The following SAMD5 variants were observed in gnomAD, a reference collection of about 807,000 sequenced individuals.
SAMD5 encodes the protein sterile alpha motif domain containing 5, also known as sterile alpha motif domain-containing protein 5.
A neutral mutation model predicts 11.3 loss-of-function variants in SAMD5; 13 were observed. That is an observed-to-expected ratio of 1.15 (90% confidence interval 0.75 to 1.83). The LOEUF is 1.83. Among genes scored for constraint, SAMD5 ranks in the 40% most tolerant of loss-of-function variants. The probability of loss-of-function intolerance (pLI) is 0.00; values close to 1 mark genes in which losing one functional copy is unlikely to be tolerated. For synonymous variants in SAMD5, 129 were observed against 111.3 expected (o/e 1.16, Z -1.00); for missense variants, 255 against 239.1 (o/e 1.07, Z -0.44).
intron 1 of SAMD5, among the ~76,000 whole-genome samples, chr6:147,643,029 G>A (rs1309464533): frequency 1.3e-5 from 2 of 152,164 alleles, no homozygotes; most frequent in Non-Finnish European, 2.9e-5. Context: ...TCATCACACT[G>A]TAATAACAAT....
intron 1 of SAMD5, among the ~76,000 whole-genome samples, chr6:147,603,061 A>G (rs1789646955): frequency 6.6e-6 from 1 of 152,230 alleles, no homozygotes. Context: ...TTTTAAGGCC[A>G]TGTAAAAGTA....
At chr6:147,831,697 C>T in the SAMD5 span, among the ~76,000 whole-genome samples, 1 of 152,184 alleles carries the variant, frequency 6.6e-6, no homozygotes, top group African/African-American at 2.4e-5. Context: ...TTGTTTTCAA[C>T]TAACTACATG....
At chr6:147,799,460 C>A in the SAMD5 span, among the ~76,000 whole-genome samples, 1 of 151,650 alleles carries the variant, frequency 6.6e-6, no homozygotes, top group Non-Finnish European at 1.5e-5. Flanking sequence ...ATGGGCTTCC[C>A]TTTGAGGGTA....
chr6:147,937,073 A>T, the SAMD5 span, among the ~76,000 whole-genome samples: 2 of 152,202 alleles, frequency 1.3e-5, no homozygotes, highest in African/African-American at 4.8e-5. Flanking sequence ...AATACTAGTC[A>T]TATAATCCTG....
chr6:147,834,099 A>G, the SAMD5 span, among the ~76,000 whole-genome samples: 1 of 152,244 alleles, frequency 6.6e-6, no homozygotes, highest in Admixed American at 6.5e-5. Context: ...CCAGTCTACA[A>G]CATTAACACA....
At chr6:147,656,601 C>T (rs963335699) in intron 1 of SAMD5, among the ~76,000 whole-genome samples, 6 of 152,086 alleles carry the variant, frequency 3.9e-5, no homozygotes, top group Non-Finnish European at 7.4e-5. Context: ...AGAAAGACAA[C>T]ATATGAAAAG....
intron 1 of SAMD5, among the ~76,000 whole-genome samples, chr6:147,734,742 A>AAAAAAAAAAT (rs59082264): frequency 7.4e-6 from 1 of 135,152 alleles, no homozygotes; most frequent in Non-Finnish European, 1.6e-5. Flanking sequence ...AAAAAAAAAA[A>AAAAAAAAAAT]GATTTAGAAC....
chr6:147,747,815 G>A, the SAMD5 span, among the ~76,000 whole-genome samples: 486 of 152,266 alleles, frequency 3.2e-3, 2 homozygotes, highest in African/African-American at 0.01. Flanking sequence ...TAGCTGCTGC[G>A]TTGGTTGTCT....
the SAMD5 span, among the ~76,000 whole-genome samples, chr6:147,854,289 G>A: frequency 6.6e-6 from 1 of 152,314 alleles, no homozygotes; most frequent in East Asian, 1.9e-4. Context: ...CAGAGGAAAC[G>A]AGAAGGTTTG....
At chr6:147,839,643 G>T in the SAMD5 span, among the ~76,000 whole-genome samples, 1 of 152,116 alleles carries the variant, frequency 6.6e-6, no homozygotes, top group Admixed American at 6.6e-5. Flanking sequence ...CAAGCTACTC[G>T]GGAGGCTGAG....
At chr6:147,735,489 AAG>A (rs1256473841) in intron 1 of SAMD5, among the ~76,000 whole-genome samples, 2 of 152,164 alleles carry the variant, frequency 1.3e-5, no homozygotes, top group East Asian at 1.9e-4. Flanking sequence ...TCTCAGCTTC[AAG>A]AGAGAGAGGG....
At chr6:147,731,633 CTT>C (rs1791714820) in intron 1 of SAMD5, among the ~76,000 whole-genome samples, 1 of 130,378 alleles carries the variant, frequency 7.7e-6, no homozygotes, top group African/African-American at 3.0e-5. Context: ...TTTACCCTCT[CTT>C]TTCTCTCTGG....
At chr6:147,933,030 T>C in the SAMD5 span, among the ~76,000 whole-genome samples, 1 of 152,288 alleles carries the variant, frequency 6.6e-6, no homozygotes, top group South Asian at 2.1e-4. Context: ...AGCCTTTCTG[T>C]TTAACTTAGG....
downstream of SAMD5, among the ~76,000 whole-genome samples, chr6:147,574,076 T>C (rs932985342): frequency 1.3e-5 from 2 of 150,694 alleles, no homozygotes; most frequent in African/African-American, 4.9e-5. Flanking sequence ...TGCAGTGAGC[T>C]GAGATCGCGC....
the SAMD5 span, among the ~76,000 whole-genome samples, chr6:147,939,632 G>A: frequency 3.9e-5 from 6 of 152,266 alleles, no homozygotes; most frequent in African/African-American, 1.2e-4. Context: ...GAGAAGACAT[G>A]TAAGAGATGT....
At chr6:147,620,899 G>A (rs942780991) in intron 1 of SAMD5, among the ~76,000 whole-genome samples, 5 of 152,048 alleles carry the variant, frequency 3.3e-5, no homozygotes, top group Admixed American at 6.6e-5. Context: ...AGAAAGAACC[G>A]TGGCTCTTGT....
At chr6:147,662,136 A>G (rs1790657481) in intron 1 of SAMD5, among the ~76,000 whole-genome samples, 1 of 151,804 alleles carries the variant, frequency 6.6e-6, no homozygotes, top group South Asian at 2.1e-4. Flanking sequence ...AGGGCTTCCC[A>G]TGCTTACTGG....
At chr6:147,922,691 G>T in the SAMD5 span, among the ~76,000 whole-genome samples, 2 of 152,078 alleles carry the variant, frequency 1.3e-5, no homozygotes, top group Admixed American at 1.3e-4. Context: ...AACTCGTGCT[G>T]GGATCTATTT....
intron 1 of SAMD5, among the ~76,000 whole-genome samples, chr6:147,690,213 A>G (rs1266797482): frequency 6.6e-6 from 1 of 152,250 alleles, no homozygotes; most frequent in East Asian, 1.9e-4. Flanking sequence ...CAACCATACA[A>G]ACCAGTAACT....
Sources: allele counts gnomAD v4.1 joint callset (sites outside exome capture counted in the v4.1 genomes callset), GRCh38; gene constraint gnomAD v4.1.1; transcripts MANE v1.5; gene names NCBI Gene and HGNC (gene_info 2026-07-23, HGNC 2026-07-21).